Variants in DST observed in about 807,000 individuals in gnomAD.
DST encodes bullous pemphigoid antigen.
In DST, 253 loss-of-function variants were observed where a neutral mutation model predicts 875.2. That is an observed-to-expected ratio of 0.29 (90% CI 0.26 to 0.32). The LOEUF (loss-of-function observed/expected upper bound fraction) is 0.32. DST is among the 10% of genes least tolerant of loss of function. The pLI is 1.00. For synonymous variants in DST, 3,124 were observed against 3,197.1 expected (o/e 0.98, Z 0.77); for missense variants, 8,287 against 9,111.6 (o/e 0.91, Z 3.68).
intron 3 of DST, among the ~76,000 whole-genome samples, chr6:56,891,394 CA>C (rs1168818888): frequency 2.0e-5 from 3 of 150,620 alleles, no homozygotes; most frequent in African/African-American, 4.9e-5. Context: ...TCCACCTCTA[CA>C]AAAAAAAAGT....
At chr6:56,796,054 G>C (rs1364543295) in intron 4 of DST, among the ~76,000 whole-genome samples, 1 of 152,152 alleles carries the variant, frequency 6.6e-6, no homozygotes, top group Non-Finnish European at 1.5e-5. Context: ...CAGCAACCCC[G>C]GAGTGATGGT....
rs186562640 is a variant in DST at position 56,571,515 on chromosome 6, C to T, written c.13721+585G>A. Among the ~76,000 whole-genome samples the T allele has an allele frequency of 4.8e-3, 732 of 152,234 alleles. 7 individuals are homozygous for T. Among genetic ancestry groups the T allele is most frequent in the Non-Finnish European group, 6.2e-3 (425 of 68,016 alleles). The stretch of plus-strand genomic sequence containing the variant: ...TTTTCTACATAAACTTTAGCAAAAT[C>T]CGATGTATATTCTAAACTAACGTGA... On this transcript the variant is annotated intron_variant, in intron 53 of 103. Transcript: ENST00000680361.
intron 61 of DST, among the ~76,000 whole-genome samples, chr6:56,546,476 G>GAA (rs564177169): frequency 4.0e-5 from 5 of 126,418 alleles, no homozygotes; most frequent in African/African-American, 5.8e-5. Context: ...TTTCTTCAGA[G>GAA]AAAAAAAAAA....
intron 12 of DST, among the ~76,000 whole-genome samples, chr6:56,649,758 T>C (rs554869199): frequency 2.0e-5 from 3 of 152,308 alleles, no homozygotes; most frequent in African/African-American, 7.2e-5. Flanking sequence ...CTAGATTGCA[T>C]TTAACTTTGC....
At chr6:56,566,339 G>A (rs2097677543) in intron 55 of DST, among the ~76,000 whole-genome samples, 1 of 152,210 alleles carries the variant, frequency 6.6e-6, no homozygotes, top group African/African-American at 2.4e-5. Flanking sequence ...AGGCACCCGA[G>A]GGAATCTCCT....
chr6:56,625,104 T>G, intron 35 of DST, 53 bp downstream of exon 35: 4 of 1,223,094 alleles, frequency 3.3e-6, no homozygotes, highest in Non-Finnish European at 4.9e-6. Context: ...ATTTAAAAAG[T>G]AAGTGTTCTT....
chr6:56,689,479 AG>A (rs1321517090), intron 9 of DST, among the ~76,000 whole-genome samples: 1 of 152,188 alleles, frequency 6.6e-6, no homozygotes, highest in Non-Finnish European at 1.5e-5. Flanking sequence ...ACACACGAGC[AG>A]GTGCCTAAAA....
intron 63 of DST, 27 bp from the exon 64 acceptor site, chr6:56,532,537 A>G (rs961933593): frequency 7.8e-6 from 12 of 1,536,950 alleles, no homozygotes; most frequent in Non-Finnish European, 1.1e-5. Flanking sequence ...AAATATAAAA[A>G]AGCAAGGGAA....
chr6:56,746,637 A>C (rs908471934), intron 4 of DST, among the ~76,000 whole-genome samples: 5 of 152,154 alleles, frequency 3.3e-5, no homozygotes, highest in African/African-American at 1.2e-4. Flanking sequence ...AAGAGAGTGG[A>C]AGCTATAAGG....
chr6:56,779,515 T>G (rs1233816536), intron 4 of DST, among the ~76,000 whole-genome samples: 1 of 152,090 alleles, frequency 6.6e-6, no homozygotes, highest in Non-Finnish European at 1.5e-5. Flanking sequence ...TTTATGGTTT[T>G]AAGTCTAACA....
At chr6:56,679,411 A>G (rs2099146164) in intron 9 of DST, among the ~76,000 whole-genome samples, 1 of 151,982 alleles carries the variant, frequency 6.6e-6, no homozygotes, top group African/African-American at 2.4e-5. Context: ...AAATGTGGCA[A>G]TTCTTCTTGG....
intron 9 of DST, among the ~76,000 whole-genome samples, chr6:56,676,877 C>T (rs150404217): frequency 2.2e-4 from 33 of 151,906 alleles, no homozygotes; most frequent in African/African-American, 7.0e-4. Context: ...CCAGAGGCTG[C>T]GGGGTGGTTG....
At position 56,604,100 on chromosome 6, in the gene DST, C is replaced by T. The variant is rs1014014308; in HGVS notation, c.10528G>A (p.Asp3510Asn). ...GYSEKIEHVG[D>N]FNQKACSTSE... ...GTAGAACATGCTTTTTGATTAAAGTCTCCAACATGTTCTATTTTCTCTGAA... is the reference window on the plus strand; with the variant it reads ...GTAGAACATGCTTTTTGATTAAAGTTTCCAACATGTTCTATTTTCTCTGAA... Residue 3510 changes from aspartate to asparagine, a missense_variant, in exon 40 of 104, where the codon GAC (aspartate) becomes AAC (asparagine). Transcript: ENST00000680361. 1.9e-6 allele frequency: 3 copies of T among 1,577,506 alleles called. No homozygotes were observed. The African/African-American group carries it at 4.0e-5, about 21-fold the overall frequency.
rs766318153 is a variant in DST, at chr6:56,851,394, T to TA, written c.625+2dup. The TA allele has an allele frequency of 6.2e-7, 1 of 1,612,314 alleles. No homozygotes were observed. Among genetic ancestry groups the TA allele is most frequent in the Non-Finnish European group, 8.5e-7 (1 of 1,179,656 alleles). On this transcript the variant is annotated splice_region_variant and intron_variant, in intron 4 of 103. Transcript: ENST00000680361. ...CTCCATCCCCTTCCCCAGATGCTCT[T>TA]ACCTGCTATCCGAAGCACTGCCCTC...
rs556837862 is a variant in DST, at chr6:56,822,224, A to T, written c.625+29173T>A. ...TTTATGAAATCACAGTTTTGGGGCA[A>T]TAAACAACACGCAGCACAGGGGAGT... is the stretch of plus-strand genomic sequence containing the variant. On this transcript the variant is annotated intron_variant, in intron 4 of 103. Coordinates refer to ENST00000680361, the MANE Select transcript of DST (RefSeq NM_001374736.1). Among the ~76,000 whole-genome samples the T allele has an allele frequency of 2.0e-5, 3 of 152,342 alleles. No homozygotes were observed. The South Asian group carries it at 6.2e-4, about 32-fold the overall frequency.
At chr6:56,871,150 CTCTTCCTCT>C in intron 3 of DST, 2 of 664,958 alleles carry the variant, frequency 3.0e-6, no homozygotes, top group East Asian at 5.3e-5. Flanking sequence ...ATGTGTGGGG[CTCTTCCTCT>C]TCCCCTAAGT....
intron 5 of DST, 134 bp from the exon 6 acceptor site, chr6:56,704,503 A>G (rs1563774264): frequency 1.9e-6 from 1 of 526,990 alleles, no homozygotes. Flanking sequence ...AAATTTTTAA[A>G]ATGCTTATTA....
At chr6:56,915,140 G>A (rs989300641) in intron 2 of DST, among the ~76,000 whole-genome samples, 3 of 152,180 alleles carry the variant, frequency 2.0e-5, no homozygotes, top group African/African-American at 4.8e-5. Context: ...TTAAATGTGA[G>A]CACAATCTGT....
At chr6:56,771,050 T>C (rs1433737645) in intron 4 of DST, among the ~76,000 whole-genome samples, 1 of 142,592 alleles carries the variant, frequency 7.0e-6, no homozygotes, top group Non-Finnish European at 1.5e-5. Context: ...TATCAAGGAG[T>C]AAGGTAGGAA....
Sources: gnomAD v4.1 joint callset for allele counts (sites outside exome capture counted in the v4.1 genomes callset) on GRCh38, gnomAD v4.1.1 for gene constraint, MANE v1.5 for transcripts, NCBI Gene and HGNC (gene_info 2026-07-23, HGNC 2026-07-21) for gene names.